ZNF69: variants seen among roughly 807,000 people sequenced by gnomAD.
ZNF69 encodes the protein zinc finger protein 69.
ZNF69 carries 47 observed loss-of-function variants against 50.9 expected under a neutral mutation model. That is an observed-to-expected ratio of 0.92 (90% CI 0.73 to 1.18). ZNF69 has a LOEUF of 1.18. ZNF69 is among the 50% of genes most tolerant of loss of function. The probability of loss-of-function intolerance (pLI) is 0.00; values close to 1 mark genes in which losing one functional copy is unlikely to be tolerated. For synonymous variants in ZNF69, 216 were observed against 223.1 expected (o/e 0.97, Z 0.29); for missense variants, 717 against 675.1 (o/e 1.06, Z -0.69).
At chr19:11,943,906 T>G in the ZNF69 span, among the ~76,000 whole-genome samples, 1 of 152,158 alleles carries the variant, frequency 6.6e-6, no homozygotes, top group Non-Finnish European at 1.5e-5. Context: ...GCTTGTCGTC[T>G]TTTTCAGAGT....
At chr19:11,974,299 C>T in the ZNF69 span, among the ~76,000 whole-genome samples, 3 of 150,880 alleles carry the variant, frequency 2.0e-5, no homozygotes. Flanking sequence ...CAGGTTGAAG[C>T]AATTCTCCTG....
chr19:11,946,808 G>A, the ZNF69 span: 238 of 165,736 alleles, frequency 1.4e-3, 1 homozygote, highest in Non-Finnish European at 2.2e-3. Flanking sequence ...TTTTTCTTTC[G>A]AGACAAGACA....
chr19:11,926,216 T>C, the ZNF69 span, among the ~76,000 whole-genome samples: 6 of 152,190 alleles, frequency 3.9e-5, no homozygotes, highest in Non-Finnish European at 5.9e-5. Flanking sequence ...TGTAAGTTAG[T>C]ATCTTCTTGC....
At chr19:11,894,698 G>A (rs1422021131) in intron 1 of ZNF69, among the ~76,000 whole-genome samples, 3 of 152,110 alleles carry the variant, frequency 2.0e-5, no homozygotes, top group Non-Finnish European at 4.4e-5. Context: ...TACGATGGAA[G>A]GAGACTCCTA....
At chr19:11,913,412 A>G (rs1427859535) in exon 5 of ZNF69, 6 of 578,252 alleles carry the variant, frequency 1.0e-5, no homozygotes, top group Admixed American at 3.3e-5. Flanking sequence ...TTTCCAGAAA[A>G]AAATCTCACT....
At chr19:11,901,244 A>G (rs938513993) in intron 1 of ZNF69, among the ~76,000 whole-genome samples, 2 of 152,074 alleles carry the variant, frequency 1.3e-5, no homozygotes, top group African/African-American at 4.8e-5. Context: ...TTGTCATCTT[A>G]TGGAATCTTC....
the ZNF69 span, chr19:11,977,208 G>A: frequency 2.5e-6 from 4 of 1,611,402 alleles, no homozygotes; most frequent in Non-Finnish European, 2.5e-6. Flanking sequence ...TAGTGAACCA[G>A]TGTTTCTAGC....
At chr19:11,956,733 G>T in the ZNF69 span, 2 of 386,764 alleles carry the variant, frequency 5.2e-6, no homozygotes, top group Admixed American at 9.0e-5. Flanking sequence ...GCTCAAGCCT[G>T]TAATCTCAGC....
chr19:11,962,121 C>A, the ZNF69 span, among the ~76,000 whole-genome samples: 1 of 152,014 alleles, frequency 6.6e-6, no homozygotes, highest in African/African-American at 2.4e-5. Flanking sequence ...GCCAAATGAA[C>A]GAAACTTAGT....
chr19:11,923,218 T>C, the ZNF69 span, among the ~76,000 whole-genome samples: 11 of 152,196 alleles, frequency 7.2e-5, no homozygotes, highest in Admixed American at 1.3e-4. Context: ...TTTGCAGCAG[T>C]AGTTGGGTGT....
the ZNF69 span, chr19:11,978,840 C>T: frequency 6.2e-7 from 1 of 1,614,170 alleles, no homozygotes; most frequent in Non-Finnish European, 8.5e-7. Flanking sequence ...TGAAAGAACT[C>T]ACACTGGGGA....
At chr19:11,889,376 A>G (rs1014816033) in intron 1 of ZNF69, among the ~76,000 whole-genome samples, 5 of 152,220 alleles carry the variant, frequency 3.3e-5, no homozygotes, top group African/African-American at 9.6e-5. Flanking sequence ...CTCACCTCCC[A>G]TCCTGTCATA....
chr19:11,894,961 C>A (rs1194487075), intron 1 of ZNF69, among the ~76,000 whole-genome samples: 1 of 152,164 alleles, frequency 6.6e-6, no homozygotes, highest in Non-Finnish European at 1.5e-5. Flanking sequence ...AGGTTCACAG[C>A]GGGGCATAGT....
chr19:11,913,897 T>G (rs935746442), exon 5 of ZNF69: 11 of 152,366 alleles, frequency 7.2e-5, no homozygotes, highest in African/African-American at 2.7e-4. Context: ...TTTGGCCATG[T>G]TTATGATTTG....
intron 1 of ZNF69, among the ~76,000 whole-genome samples, chr19:11,902,896 C>T (rs1317952811): frequency 6.6e-6 from 1 of 152,156 alleles, no homozygotes; most frequent in African/African-American, 2.4e-5. Context: ...GCCCAGGCAA[C>T]TCACTTTTCT....
intron 1 of ZNF69, 125 bp downstream of exon 1, chr19:11,888,111 A>G (rs1976991500): frequency 1.2e-6 from 1 of 838,912 alleles, no homozygotes; most frequent in Non-Finnish European, 1.8e-6. Flanking sequence ...GTCCTCCTGG[A>G]GCCGCTCGGC....
At chr19:11,931,675 A>AAT in the ZNF69 span, among the ~76,000 whole-genome samples, 2 of 148,580 alleles carry the variant, frequency 1.3e-5, no homozygotes, top group Non-Finnish European at 2.9e-5. Context: ...GAGAGGTTAC[A>AAT]TCATAGTGAT....
intron 1 of ZNF69, among the ~76,000 whole-genome samples, chr19:11,891,616 C>G (rs929733386): frequency 6.6e-6 from 1 of 152,178 alleles, no homozygotes; most frequent in Non-Finnish European, 1.5e-5. Context: ...AAATTTATTA[C>G]TCTATTGATT....
chr19:11,936,224 A>G, the ZNF69 span, among the ~76,000 whole-genome samples: 1 of 152,184 alleles, frequency 6.6e-6, no homozygotes, highest in Non-Finnish European at 1.5e-5. Flanking sequence ...TGCTGGGTCA[A>G]ATGGTATTTC....
Sources: gnomAD v4.1 joint callset for allele counts (sites outside exome capture counted in the v4.1 genomes callset) on GRCh38, gnomAD v4.1.1 for gene constraint, MANE v1.5 for transcripts, NCBI Gene and HGNC (gene_info 2026-07-23, HGNC 2026-07-21) for gene names.